The following KANSL1 variants were observed in gnomAD, a reference collection of about 807,000 sequenced individuals.
KANSL1 encodes the protein KAT8 regulatory NSL complex subunit 1.
A neutral mutation model predicts 103.6 loss-of-function variants in KANSL1; 22 were observed. The ratio of observed to expected loss-of-function variants is 0.21; its 90% confidence interval spans 0.15 to 0.30. The LOEUF is 0.30. KANSL1 is among the 10% of genes least tolerant of loss of function. The probability of loss-of-function intolerance (pLI) is 1.00; values close to 1 mark genes in which losing one functional copy is unlikely to be tolerated. For missense variants in KANSL1, 1,337 were observed against 1,399.8 expected (o/e 0.96, Z 0.72); for synonymous variants, 600 against 527.6 (o/e 1.14, Z -1.88).
chr17:46,186,755 GTC>G (rs1332763669), intron 1 of KANSL1, among the ~76,000 whole-genome samples: 2 of 152,152 alleles, frequency 1.3e-5, no homozygotes, highest in Non-Finnish European at 2.9e-5. Context: ...TTGAGACGAA[GTC>G]TCTCTCTGTC....
chr17:46,033,552 ACCTG>A, intron 11 of KANSL1, 92 bp from the exon 12 acceptor site: 1 of 1,029,126 alleles, frequency 9.7e-7, no homozygotes, highest in South Asian at 1.3e-5. Flanking sequence ...AGAATCCTGC[ACCTG>A]TGGGTGACAC....
At chr17:46,033,306 C>A in intron 12 of KANSL1, 97 bp downstream of exon 12, 1 of 1,449,408 alleles carries the variant, frequency 6.9e-7, no homozygotes, top group Non-Finnish European at 9.6e-7. Flanking sequence ...TTGCACTTCA[C>A]ACCCACAAGT....
intron 1 of KANSL1, among the ~76,000 whole-genome samples, chr17:46,200,912 T>C (rs1321159492): frequency 2.0e-5 from 3 of 151,740 alleles, no homozygotes; most frequent in Non-Finnish European, 4.4e-5. Context: ...GGAATTACTT[T>C]TTTTTTTTTT....
intron 4 of KANSL1, among the ~76,000 whole-genome samples, chr17:46,081,128 A>C (rs1455046178): frequency 6.6e-6 from 1 of 152,240 alleles, no homozygotes; most frequent in Non-Finnish European, 1.5e-5. Flanking sequence ...AACACAATGG[A>C]GGACTGTTAT....
chr17:46,202,965 C>T (rs1335884358), intron 1 of KANSL1, among the ~76,000 whole-genome samples: 2 of 152,226 alleles, frequency 1.3e-5, no homozygotes, highest in Non-Finnish European at 2.9e-5. Flanking sequence ...GACGTGGTGG[C>T]TCACATCTCT....
At chr17:46,218,844 C>T (rs1307863107) in intron 1 of KANSL1, among the ~76,000 whole-genome samples, 1 of 152,130 alleles carries the variant, frequency 6.6e-6, no homozygotes, top group Non-Finnish European at 1.5e-5. Flanking sequence ...CCAAACACTG[C>T]CCTATGTCCT....
intron 2 of KANSL1, among the ~76,000 whole-genome samples, chr17:46,114,699 C>T (rs1260894513): frequency 6.6e-6 from 1 of 152,162 alleles, no homozygotes; most frequent in South Asian, 2.1e-4. Context: ...ATGGCTAATT[C>T]GTAAACTAGA....
chr17:46,094,598 G>C lies in KANSL1; in HGVS notation c.1393C>G (p.Gln465Glu). The C allele has an allele frequency of 6.2e-7, 1 of 1,613,792 alleles. No individual in the cohort carries two copies. The highest frequency in any genetic ancestry group is 8.5e-7 in the Non-Finnish European group (1 of 1,179,996). The change falls in exon 3 of 15, where the codon CAG becomes GAG. Residue 465 changes from glutamine to glutamate, a missense_variant. By Grantham distance (29) the Gln-to-Glu change is conservative (BLOSUM62 2). Around this residue, in one of 2 missense-constraint regions of KANSL1, gnomAD observed 780 missense variants for 923.4 expected, o/e 0.84. Coordinates refer to ENST00000432791, the MANE Select transcript of KANSL1 (RefSeq NM_015443.4). ...HVSDLEYRIR[Q>E]QTDIYKQIRA... ...ATCTGTTTGTAAATGTCTGTTTGCT[G>C]ACGAATTCGATATTCCAAGTCAGAA... is the stretch of plus-strand genomic sequence containing the variant.
chr17:46,213,055 GA>G (rs2048211959), intron 1 of KANSL1, among the ~76,000 whole-genome samples: 1 of 152,118 alleles, frequency 6.6e-6, no homozygotes, highest in Non-Finnish European at 1.5e-5. Flanking sequence ...AGCTGAGATG[GA>G]ATCATTTAAA....
At chr17:46,068,739 G>T (rs1268727545) in intron 4 of KANSL1, among the ~76,000 whole-genome samples, 1 of 152,090 alleles carries the variant, frequency 6.6e-6, no homozygotes, top group African/African-American at 2.4e-5. Context: ...AGATGAGAAA[G>T]AATAGAAAAA....
chr17:46,038,180 T>G, intron 10 of KANSL1: 1 of 208,786 alleles, frequency 4.8e-6, no homozygotes, highest in Non-Finnish European at 9.5e-6. Context: ...TCTTGTTCAC[T>G]TCTTGGGCCA....
At chr17:46,051,453 G>T (rs2077708619) in intron 6 of KANSL1, among the ~76,000 whole-genome samples, 1 of 152,138 alleles carries the variant, frequency 6.6e-6, no homozygotes, top group Non-Finnish European at 1.5e-5. Flanking sequence ...AACCTCTCCA[G>T]GTAAGTCCAA....
chr17:46,175,297 ATCTG>A (rs2046464710), intron 1 of KANSL1, among the ~76,000 whole-genome samples: 1 of 146,654 alleles, frequency 6.8e-6, no homozygotes, highest in African/African-American at 2.6e-5. Flanking sequence ...TATGGGTCGA[ATCTG>A]TCTTATTGCT....
At chr17:46,128,472 T>C (rs534768740) in intron 2 of KANSL1, among the ~76,000 whole-genome samples, 43 of 152,314 alleles carry the variant, frequency 2.8e-4, no homozygotes, top group African/African-American at 9.9e-4. Context: ...TATGCATATA[T>C]ATGTGCATAA....
intron 2 of KANSL1, among the ~76,000 whole-genome samples, chr17:46,155,286 T>C (rs1339572160): frequency 6.6e-6 from 1 of 151,574 alleles, no homozygotes; most frequent in Non-Finnish European, 1.5e-5. Context: ...ACTTCCCAAG[T>C]AGCTGGGACT....
In KANSL1 at chr17:46,039,180, G is replaced by C. The variant is rs1457458945; in HGVS notation, c.2239C>G (p.His747Asp). The change falls in exon 9 of 15, where the codon CAC becomes GAC. Residue 747 changes from histidine (H) to aspartate (D), a missense_variant. Physicochemically the swap from His to Asp is moderately conservative, Grantham distance 81. This residue lies in a region of KANSL1 where 780 missense variants were observed against 923.4 expected (regional missense o/e 0.84). Transcript: ENST00000432791. ...CCCACATCGTCTAAGTGCTGCCTGT[G>C]GGTCCTGTCAGGCCGGGTTTGGTGA... ...SHHQTRPDRT[H>D]RQHLDDVGAV... The C allele has an allele frequency of 6.2e-7, 1 of 1,601,492 alleles. No homozygotes were observed. The highest frequency in any genetic ancestry group is 2.2e-5 in the East Asian group (1 of 44,544).
intron 2 of KANSL1, among the ~76,000 whole-genome samples, chr17:46,153,640 T>G (rs1230609217): frequency 2.6e-5 from 4 of 152,188 alleles, no homozygotes; most frequent in Non-Finnish European, 5.9e-5. Context: ...GAGTTAAAGA[T>G]TTCATGAACC....
intron 2 of KANSL1, among the ~76,000 whole-genome samples, chr17:46,161,130 C>T (rs1311399232): frequency 6.6e-6 from 1 of 151,998 alleles, no homozygotes; most frequent in South Asian, 2.1e-4. Context: ...AAACGTTGTT[C>T]CCAGCAGGGC....
At chr17:46,077,575 T>A (rs2078827278) in intron 4 of KANSL1, among the ~76,000 whole-genome samples, 1 of 152,206 alleles carries the variant, frequency 6.6e-6, no homozygotes, top group East Asian at 1.9e-4. Flanking sequence ...ATTTTATTTT[T>A]GAGACGGAGT....
Sources: allele counts gnomAD v4.1 joint callset (sites outside exome capture counted in the v4.1 genomes callset), GRCh38; gene constraint gnomAD v4.1.1; regional missense constraint gnomAD v4.1.1; transcripts MANE v1.5; gene names NCBI Gene and HGNC (gene_info 2026-07-23, HGNC 2026-07-21).